DDX46: variants seen among roughly 807,000 people sequenced by gnomAD.
The protein encoded by DDX46 is probable ATP-dependent RNA helicase DDX46.
In DDX46, 30 loss-of-function variants were observed where a neutral mutation model predicts 134.9. That is an observed-to-expected ratio of 0.22 (90% CI 0.17 to 0.30). The LOEUF (loss-of-function observed/expected upper bound fraction) is 0.30, where lower values mean the gene tolerates loss of function less well. Ranked by LOEUF, DDX46 falls within the 10% of genes least tolerant of loss-of-function variation. DDX46 has a pLI of 1.00. For missense variants in DDX46, 622 were observed against 1,248.7 expected, an observed-to-expected ratio of 0.50 and a Z score of 7.56; for synonymous variants, 415 against 404.1, an observed-to-expected ratio of 1.03 and a Z score of -0.32.
chr5:134,828,216 T>C (rs1229206863), intron 22 of DDX46, among the ~76,000 whole-genome samples: 1 of 151,988 alleles, frequency 6.6e-6, no homozygotes, highest in African/African-American at 2.4e-5. Context: ...TGAGAGCTTT[T>C]CTAAAATTCC....
At chr5:134,820,147 C>T (rs1445645204) in intron 21 of DDX46, among the ~76,000 whole-genome samples, 1 of 152,040 alleles carries the variant, frequency 6.6e-6, no homozygotes, top group African/African-American at 2.4e-5. Context: ...GTCTCAAACT[C>T]CTGACCTCAT....
intron 1 of DDX46, among the ~76,000 whole-genome samples, chr5:134,760,665 CTG>C (rs1425080318): frequency 2.0e-5 from 3 of 152,152 alleles, no homozygotes; most frequent in African/African-American, 7.2e-5. Flanking sequence ...GGTTGGAACT[CTG>C]TGGAGGTGAT....
chr5:134,790,677 AGACT>A, intron 13 of DDX46, 125 bp downstream of exon 13: 1 of 767,830 alleles, frequency 1.3e-6, no homozygotes, highest in Non-Finnish European at 2.1e-6. Flanking sequence ...GTAATACAGA[AGACT>A]GGGGACATAC....
intron 3 of DDX46, 129 bp downstream of exon 3, chr5:134,767,189 T>C (rs1242632712): frequency 1.8e-6 from 2 of 1,124,294 alleles, no homozygotes; most frequent in East Asian, 2.8e-5. Flanking sequence ...TACCATGAAC[T>C]GTTGGCAGTG....
At chr5:134,789,025 A>G (rs1041041486) in intron 12 of DDX46, among the ~76,000 whole-genome samples, 5 of 152,112 alleles carry the variant, frequency 3.3e-5, no homozygotes, top group African/African-American at 9.7e-5. Flanking sequence ...CTTTATTACA[A>G]AATTTAGACT....
chr5:134,816,744 A>G (rs985682870), intron 19 of DDX46, 138 bp downstream of exon 19: 26 of 850,808 alleles, frequency 3.1e-5, no homozygotes, highest in Non-Finnish European at 4.2e-5. Flanking sequence ...TCAATACAGA[A>G]TTTTTTGATA....
chr5:134,778,314 A>G (rs1754012400), intron 6 of DDX46, among the ~76,000 whole-genome samples: 1 of 151,900 alleles, frequency 6.6e-6, no homozygotes, highest in African/African-American at 2.4e-5. Flanking sequence ...CACCATGCCC[A>G]GCTGTGTCTT....
intron 2 of DDX46, among the ~76,000 whole-genome samples, chr5:134,765,758 AATTT>A (rs1753548472): frequency 6.6e-6 from 1 of 152,156 alleles, no homozygotes; most frequent in South Asian, 2.1e-4. Context: ...TCATAGAAAG[AATTT>A]AACTTTATCC....
chr5:134,797,286 A>G lies in DDX46; in HGVS notation c.1954+1136A>G, dbSNP rs1410443201. ...GTAGCTTAGTAATGAATCACTCCAA[A>G]ATTTAGTTGCAATAGTTACTTATTT... On this transcript the variant is annotated intron_variant, in intron 15 of 22. Coordinates refer to ENST00000452510, the MANE Select transcript of DDX46 (RefSeq NM_001300860.2). 6 of 206,344 alleles carry G rather than the reference A, an allele frequency of 2.9e-5. No individual in the cohort carries two copies. The Admixed American group carries it at 3.4e-4, about 12-fold the overall frequency. 12.8% of individuals were successfully genotyped at this position (206,344 alleles called of 1,614,324 possible). A position where few individuals can be genotyped will look rare whatever the true frequency, so the allele number is the denominator to read the frequency against.
intron 18 of DDX46, among the ~76,000 whole-genome samples, chr5:134,812,883 C>T (rs1445826479): frequency 6.6e-6 from 1 of 152,076 alleles, no homozygotes; most frequent in Non-Finnish European, 1.5e-5. Context: ...GGTGATCCAC[C>T]TGCCTTGGCC....
At chr5:134,824,292 C>G (rs1426724626) in intron 21 of DDX46, among the ~76,000 whole-genome samples, 2 of 152,120 alleles carry the variant, frequency 1.3e-5, no homozygotes, top group Non-Finnish European at 2.9e-5. Context: ...TAAGAATAAT[C>G]TAGAAATATA....
At chr5:134,816,763 T>C (rs962889460) in intron 19 of DDX46, 157 bp downstream of exon 19, 38 of 746,446 alleles carry the variant, frequency 5.1e-5, no homozygotes, top group Admixed American at 9.4e-5. Context: ...TAATTGCATT[T>C]GGATGATTTC....
chr5:134,813,235 G>A (rs1755197547), intron 18 of DDX46, among the ~76,000 whole-genome samples: 1 of 152,158 alleles, frequency 6.6e-6, no homozygotes, highest in African/African-American at 2.4e-5. Flanking sequence ...GAGCCACCAC[G>A]CCCGACCACA....
chr5:134,781,864 C>T, intron 7 of DDX46, 57 bp from the exon 8 acceptor site: 3 of 1,524,754 alleles, frequency 2.0e-6, no homozygotes, highest in South Asian at 1.2e-5. Context: ...GTATTGCTTC[C>T]CACAAGGGGA....
intron 21 of DDX46, among the ~76,000 whole-genome samples, chr5:134,819,443 G>A (rs971085284): frequency 3.9e-5 from 6 of 152,066 alleles, no homozygotes; most frequent in African/African-American, 1.2e-4. Flanking sequence ...ACAACCTAAC[G>A]GATATAAATA....
chr5:134,810,413 C>T (rs1484744140), intron 16 of DDX46, among the ~76,000 whole-genome samples: 2 of 151,548 alleles, frequency 1.3e-5, no homozygotes, highest in Non-Finnish European at 2.9e-5. Flanking sequence ...ATCTCACATG[C>T]ACTGCAACCT....
intron 15 of DDX46, among the ~76,000 whole-genome samples, chr5:134,802,162 T>TC (rs201469985): frequency 7.1e-6 from 1 of 141,104 alleles, no homozygotes; most frequent in Non-Finnish European, 1.5e-5. Context: ...TTTCTTTCTT[T>TC]TTTTTTTTTT....
chr5:134,819,549 TTTGAGACAGGGTC>T (rs1755384019), intron 21 of DDX46, among the ~76,000 whole-genome samples: 1 of 152,194 alleles, frequency 6.6e-6, no homozygotes, highest in African/African-American at 2.4e-5. Flanking sequence ...CTTTATTTAT[TTTGAGACAGGGTC>T]TTATTTTGTC....
intron 15 of DDX46, among the ~76,000 whole-genome samples, chr5:134,803,536 G>A (rs1239506328): frequency 6.6e-6 from 1 of 152,126 alleles, no homozygotes; most frequent in Non-Finnish European, 1.5e-5. Context: ...CGCTTGGTCT[G>A]TGCACGGCCT....
Sources: allele counts gnomAD v4.1 joint callset (sites outside exome capture counted in the v4.1 genomes callset), GRCh38; gene constraint gnomAD v4.1.1; transcripts MANE v1.5; gene names NCBI Gene and HGNC (gene_info 2026-07-23, HGNC 2026-07-21).